The following FMN1 variants were observed in gnomAD, a reference collection of about 807,000 sequenced individuals.
The protein encoded by FMN1 is formin-1.
A neutral mutation model predicts 132.4 loss-of-function variants in FMN1; 110 were observed. The observed-to-expected ratio is 0.83, with a 90% CI of 0.71 to 0.97. The LOEUF (loss-of-function observed/expected upper bound fraction) is 0.97. FMN1 is among the 50% of genes least tolerant of loss of function. The pLI is 0.00. For synonymous variants in FMN1, 722 were observed against 651.7 expected, an observed-to-expected ratio of 1.11 and a Z score of -1.64; for missense variants, 1,792 against 1,705.3, an observed-to-expected ratio of 1.05 and a Z score of -0.90.
At chr15:33,079,671 T>C (rs181078526) in intron 5 of FMN1, among the ~76,000 whole-genome samples, 1 of 152,372 alleles carries the variant, frequency 6.6e-6, no homozygotes, top group East Asian at 1.9e-4. Context: ...TCTTTCAATT[T>C]GTAGAGAAGT....
chr15:32,903,671 A>T (rs1011527813), intron 12 of FMN1, among the ~76,000 whole-genome samples: 4 of 152,224 alleles, frequency 2.6e-5, no homozygotes, highest in Non-Finnish European at 5.9e-5. Context: ...ACCAAAAAGG[A>T]CTTAGATGAA....
intron 17 of FMN1, among the ~76,000 whole-genome samples, chr15:32,831,573 G>A (rs2058503046): frequency 1.3e-5 from 2 of 152,100 alleles, no homozygotes; most frequent in Admixed American, 1.3e-4. Flanking sequence ...GTGGGGTGGG[G>A]AGGTTGGTAT....
chr15:33,091,080 G>A (rs1022796768), intron 4 of FMN1, among the ~76,000 whole-genome samples: 4 of 151,928 alleles, frequency 2.6e-5, no homozygotes, highest in Admixed American at 2.6e-4. Context: ...GCTGGCTTTG[G>A]GTAAAGTTTG....
intron 3 of FMN1, among the ~76,000 whole-genome samples, chr15:33,158,970 T>A (rs1881680022): frequency 6.6e-6 from 1 of 152,074 alleles, no homozygotes; most frequent in Admixed American, 6.5e-5. Flanking sequence ...GTGGATCACT[T>A]GAGTTCAAGA....
At position 33,128,920 on chromosome 15, in the gene FMN1, T is replaced by G. The variant is rs560992123; in HGVS notation, c.1867+24128A>C. ...TATTTGGCCCCACCCATGCCCTGCT[T>G]ATTGGTCCATTTTACAGAGTGCTGA... On this transcript the variant is annotated intron_variant, in intron 4 of 20. Transcript: ENST00000616417. Among the ~76,000 whole-genome samples the G allele has an allele frequency of 1.7e-3, 202 of 120,470 alleles. 2 individuals are homozygous for G. The highest frequency in any genetic ancestry group is 7.8e-3 in the African/African-American group (191 of 24,424). 79.0% of individuals were successfully genotyped at this position (120,470 alleles called of 152,430 possible).
At chr15:33,172,549 G>A (rs959092591) in intron 3 of FMN1, among the ~76,000 whole-genome samples, 1 of 152,226 alleles carries the variant, frequency 6.6e-6, no homozygotes, top group Non-Finnish European at 1.5e-5. Context: ...GGGAAGAAGT[G>A]TAGGATACTG....
chr15:33,022,923 G>A (rs1566837335), intron 6 of FMN1, among the ~76,000 whole-genome samples: 1 of 151,894 alleles, frequency 6.6e-6, no homozygotes, highest in Non-Finnish European at 1.5e-5. Context: ...GCTCCAGCCT[G>A]TAATCCCTGT....
Position 32,908,603 on chromosome 15 carries a change from C to CA in FMN1, c.3289-26dup, listed in dbSNP as rs71424680. The CA allele has an allele frequency of 0.055, 32,953 of 594,798 alleles. 337 individuals carry two copies. The highest frequency in any genetic ancestry group is 0.09 in the Admixed American group (2,340 of 26,120). 36.8% of individuals were successfully genotyped at this position (594,798 alleles called of 1,614,324 possible). ...TCTGTATCAAAATAGAAAACAAAACCAAAAAAAAAAAAAAAAAAAAGGGAA... is the reference window on the plus strand; with the variant it reads ...TCTGTATCAAAATAGAAAACAAAACCAAAAAAAAAAAAAAAAAAAAAGGGAA... On this transcript the variant is annotated intron_variant, in intron 11 of 20. Coordinates refer to ENST00000616417, the MANE Select transcript of FMN1 (RefSeq NM_001277313.2).
intron 4 of FMN1, among the ~76,000 whole-genome samples, chr15:33,111,527 C>A (rs771034656): frequency 6.6e-6 from 1 of 152,126 alleles, no homozygotes; most frequent in Non-Finnish European, 1.5e-5. Flanking sequence ...AACTTGTACA[C>A]AAATGTTCGT....
intron 4 of FMN1, among the ~76,000 whole-genome samples, chr15:33,100,630 A>T (rs939788771): frequency 1.2e-4 from 19 of 152,192 alleles, no homozygotes; most frequent in African/African-American, 2.7e-4. Flanking sequence ...TTTACAGAAG[A>T]AGTTTTCAAA....
At chr15:33,042,831 C>A (rs1246906341) in intron 6 of FMN1, among the ~76,000 whole-genome samples, 3 of 151,226 alleles carry the variant, frequency 2.0e-5, no homozygotes, top group Non-Finnish European at 4.4e-5. Flanking sequence ...AATTAATTTG[C>A]CCAGAGTCAC....
At chr15:32,841,790 G>A (rs530618001) in intron 17 of FMN1, among the ~76,000 whole-genome samples, 3 of 152,176 alleles carry the variant, frequency 2.0e-5, no homozygotes, top group African/African-American at 7.2e-5. Context: ...AAGGAGTTAC[G>A]AGAACCAGAA....
intron 6 of FMN1, among the ~76,000 whole-genome samples, chr15:33,046,721 A>C (rs945327582): frequency 6.6e-6 from 1 of 151,226 alleles, no homozygotes; most frequent in African/African-American, 2.4e-5. Context: ...CAAAAACGAT[A>C]AGAATTTCTT....
intron 6 of FMN1, among the ~76,000 whole-genome samples, chr15:33,019,411 C>T (rs567989672): frequency 5.6e-4 from 85 of 152,330 alleles, no homozygotes; most frequent in Non-Finnish European, 1.1e-3. Context: ...ACTCAGGAGC[C>T]CAGCTGGCTT....
intron 9 of FMN1, among the ~76,000 whole-genome samples, chr15:32,940,394 TGTGTG>T (rs2061375757): frequency 2.7e-5 from 1 of 36,508 alleles, no homozygotes; most frequent in African/African-American, 2.1e-4. Context: ...ATAAAAATTG[TGTGTG>T]TGTGTGTGTG....
intron 4 of FMN1, among the ~76,000 whole-genome samples, chr15:33,113,540 C>T (rs1028468732): frequency 6.6e-6 from 1 of 152,102 alleles, no homozygotes; most frequent in Non-Finnish European, 1.5e-5. Flanking sequence ...TGAAGTACGA[C>T]CCTGCTCCCC....
chr15:32,860,972 T>A (rs2059254995), intron 16 of FMN1: 1 of 152,172 alleles, frequency 6.6e-6, no homozygotes, highest in South Asian at 2.1e-4. Context: ...TTTTAAGGAA[T>A]CAGCATTTCT....
At chr15:32,907,856 C>A (rs1329425682) in intron 12 of FMN1, among the ~76,000 whole-genome samples, 2 of 152,052 alleles carry the variant, frequency 1.3e-5, no homozygotes, top group African/African-American at 4.8e-5. Flanking sequence ...GCTGCAGAGC[C>A]CCGGGAGCTT....
intron 17 of FMN1, among the ~76,000 whole-genome samples, chr15:32,829,719 C>G (rs2058457135): frequency 6.6e-6 from 1 of 152,160 alleles, no homozygotes; most frequent in Non-Finnish European, 1.5e-5. Context: ...CCTGCCAATC[C>G]ATGTAAATCA....
Sources: allele counts gnomAD v4.1 joint callset (sites outside exome capture counted in the v4.1 genomes callset), GRCh38; gene constraint gnomAD v4.1.1; transcripts MANE v1.5; gene names NCBI Gene and HGNC (gene_info 2026-07-23, HGNC 2026-07-21).